Variants in TBCK observed in about 807,000 individuals in gnomAD.
TBCK encodes the protein TBC domain-containing protein kinase-like protein.
A neutral mutation model predicts 113.4 loss-of-function variants in TBCK; 99 were observed. The ratio of observed to expected loss-of-function variants is 0.87; its 90% confidence interval spans 0.74 to 1.03. The LOEUF is 1.03. Ranked by LOEUF, TBCK falls within the 50% of genes least tolerant of loss-of-function variation. The probability of loss-of-function intolerance (pLI) is 0.00; values close to 1 mark genes in which losing one functional copy is unlikely to be tolerated. For missense variants in TBCK, 1,045 were observed against 1,061.3 expected (o/e 0.98, Z 0.21); for synonymous variants, 369 against 370.8 (o/e 1.00, Z 0.05).
intron 22 of TBCK, among the ~76,000 whole-genome samples, chr4:106,172,560 A>G (rs140782060): frequency 6.6e-6 from 1 of 152,290 alleles, no homozygotes; most frequent in Non-Finnish European, 1.5e-5. Context: ...TGTCGGGCTC[A>G]GGCAGGCAAT....
intron 25 of TBCK, among the ~76,000 whole-genome samples, chr4:106,079,071 T>C (rs1204338151): frequency 2.0e-5 from 3 of 152,080 alleles, no homozygotes; most frequent in Non-Finnish European, 4.4e-5. Flanking sequence ...AGGTCTTTAA[T>C]ATATGTGAAA....
chr4:106,080,263 C>G (rs1021680733), intron 25 of TBCK, among the ~76,000 whole-genome samples: 4 of 152,000 alleles, frequency 2.6e-5, no homozygotes, highest in Admixed American at 1.3e-4. Flanking sequence ...ATCACACTTC[C>G]TGACTTCAAA....
In TBCK at chr4:106,193,698, C is replaced by T; in HGVS notation, c.1970G>A (p.Cys657Tyr). 2 of 1,612,668 alleles carry T rather than the reference C, an allele frequency of 1.2e-6. No individual in the cohort carries two copies. Among genetic ancestry groups the T allele is most frequent in the Non-Finnish European group, 1.7e-6 (2 of 1,179,394 alleles). ...CTGCTGAAGAATTGCTACTCCAATA[C>T]AGAATGGGAAAGAGGAATTCCCAAG... ...LLLGNSSFPF[C>Y]IGVAILQQLR... Residue 657 changes from cysteine to tyrosine, a missense_variant, in exon 22 of 26, where the codon TGT becomes TAT. Physicochemically the swap from Cys to Tyr is radical, Grantham distance 194. Coordinates refer to ENST00000394708, the MANE Select transcript of TBCK (RefSeq NM_001163435.3).
At chr4:106,200,302 A>G (rs1754733672) in intron 20 of TBCK, among the ~76,000 whole-genome samples, 1 of 152,152 alleles carries the variant, frequency 6.6e-6, no homozygotes, top group Admixed American at 6.5e-5. Context: ...GCACTTTGGG[A>G]GGCCAAAGCG....
rs1327845736 is a variant in TBCK, at chr4:106,299,399, C to A, written c.194-4233G>T. Among the ~76,000 whole-genome samples the A allele has an allele frequency of 2.6e-5, 4 of 152,254 alleles. No individual in the cohort carries two copies. The East Asian group carries it at 7.7e-4, about 29-fold the overall frequency. On this transcript the variant is annotated intron_variant, in intron 2 of 25. Coordinates refer to ENST00000394708, the MANE Select transcript of TBCK (RefSeq NM_001163435.3). ...AAATGTGCATATTCCATTAATTAAC[C>A]ATTTTAAATTGGATATTCATAATTC... is the stretch of plus-strand genomic sequence containing the variant.
At chr4:106,297,007 T>C (rs1766382245) in intron 2 of TBCK, among the ~76,000 whole-genome samples, 1 of 152,170 alleles carries the variant, frequency 6.6e-6, no homozygotes, top group Non-Finnish European at 1.5e-5. Flanking sequence ...CTGCATTCCT[T>C]TGCTTTTCAT....
In TBCK at chr4:106,164,246, T is replaced by G. The variant is rs191476705; in HGVS notation, c.2235+6849A>C. 1.8e-3 allele frequency: 276 copies of G among 152,122 alleles called. 2 individuals carry two copies. The highest frequency in any genetic ancestry group is 6.3e-3 in the African/African-American group (261 of 41,544). 9.4% of individuals were successfully genotyped at this position (152,122 alleles called of 1,614,324 possible). A position where few individuals can be genotyped will look rare whatever the true frequency, so the allele number is the denominator to read the frequency against. ...GAATTGAACCAGTAAAAAGAACAGA[T>G]GCAAAGCTAACCTTTTTGTTTTCAA... On this transcript the variant is annotated intron_variant, in intron 23 of 25. Coordinates refer to ENST00000394708, the MANE Select transcript of TBCK (RefSeq NM_001163435.3).
chr4:106,170,981 T>C (rs755763656), intron 23 of TBCK, 114 bp downstream of exon 23: 4 of 715,226 alleles, frequency 5.6e-6, no homozygotes, highest in Non-Finnish European at 8.5e-6. Context: ...TTAGAAAATA[T>C]CTACATTAAA....
At chr4:106,117,103 C>T (rs1743611608) in intron 23 of TBCK, among the ~76,000 whole-genome samples, 2 of 151,942 alleles carry the variant, frequency 1.3e-5, no homozygotes, top group African/African-American at 2.4e-5. Flanking sequence ...TTGTTATTTA[C>T]ACTTATAGGA....
At position 106,261,057 on chromosome 4, in the gene TBCK, G is replaced by C. The variant is rs1362225105; in HGVS notation, c.382-547C>G. On this transcript the variant is annotated intron_variant, in intron 4 of 25. Coordinates refer to ENST00000394708, the MANE Select transcript of TBCK (RefSeq NM_001163435.3). ...CAAAAATAACTATCATAAGTATAAG[G>C]CTCTTAATAAATGATAAATATAATT... 2.6e-5 allele frequency among the ~76,000 whole-genome samples: 4 copies of C among 151,844 alleles called. No individual in the cohort carries two copies. In the East Asian group the frequency reaches 7.7e-4, roughly 29 times the overall value.
intron 5 of TBCK, among the ~76,000 whole-genome samples, chr4:106,256,140 TG>T (rs1232454168): frequency 6.6e-6 from 1 of 151,930 alleles, no homozygotes; most frequent in Non-Finnish European, 1.5e-5. Context: ...CGGCCATGGG[TG>T]GGCCCAGAAA....
intron 3 of TBCK, among the ~76,000 whole-genome samples, chr4:106,262,972 T>A (rs1308316972): frequency 6.6e-6 from 1 of 151,994 alleles, no homozygotes; most frequent in African/African-American, 2.4e-5. Context: ...GGATTGTTCA[T>A]TTGCAGACAT....
chr4:106,193,342 GCCCCCAACT>G (rs1753860517), intron 22 of TBCK, among the ~76,000 whole-genome samples: 1 of 152,064 alleles, frequency 6.6e-6, no homozygotes, highest in Non-Finnish European at 1.5e-5. Context: ...ATATGATATT[GCCCCCAACT>G]TCCTGGCATT....
At chr4:106,177,852 A>G (rs769884033) in intron 22 of TBCK, among the ~76,000 whole-genome samples, 3 of 151,840 alleles carry the variant, frequency 2.0e-5, no homozygotes, top group Non-Finnish European at 4.4e-5. Context: ...TATTTTTTCG[A>G]ATTCTGTTAA....
chr4:106,201,466 T>C (rs1202214483), intron 20 of TBCK, among the ~76,000 whole-genome samples: 3 of 152,076 alleles, frequency 2.0e-5, no homozygotes, highest in Non-Finnish European at 4.4e-5. Flanking sequence ...TGAAATCCAA[T>C]GAAAAGAAAT....
intron 20 of TBCK, among the ~76,000 whole-genome samples, chr4:106,204,798 G>A (rs1030642863): frequency 2.4e-5 from 3 of 122,822 alleles, no homozygotes; most frequent in African/African-American, 3.2e-5. Flanking sequence ...TCGCTCTGTC[G>A]CCCAGGCCGG....
chr4:106,244,530 A>T, intron 11 of TBCK, 96 bp downstream of exon 11: 4 of 753,242 alleles, frequency 5.3e-6, no homozygotes, highest in South Asian at 4.1e-5. Context: ...AACCAATTTA[A>T]AAAAAAAAAA....
chr4:106,079,097 GA>G (rs1190587643), intron 25 of TBCK, among the ~76,000 whole-genome samples: 4 of 152,074 alleles, frequency 2.6e-5, no homozygotes, highest in African/African-American at 9.7e-5. Context: ...AATAAATGTA[GA>G]AAAGGTCTTC....
intron 1 of TBCK, among the ~76,000 whole-genome samples, chr4:106,313,005 G>T (rs758969460): frequency 6.6e-6 from 1 of 152,126 alleles, no homozygotes; most frequent in African/African-American, 2.4e-5. Context: ...GGTGGTAGTG[G>T]TTTTATGGAT....
Sources: allele counts gnomAD v4.1 joint callset (sites outside exome capture counted in the v4.1 genomes callset), GRCh38; gene constraint gnomAD v4.1.1; transcripts MANE v1.5; gene names NCBI Gene and HGNC (gene_info 2026-07-23, HGNC 2026-07-21).